Variants in NPEPPS observed in about 807,000 individuals in gnomAD.
NPEPPS encodes the protein puromycin-sensitive aminopeptidase.
A neutral mutation model predicts 115.5 loss-of-function variants in NPEPPS; 14 were observed. The ratio of observed to expected loss-of-function variants is 0.12; its 90% CI spans 0.08 to 0.19. NPEPPS has a LOEUF of 0.19. Ranked by LOEUF, NPEPPS falls within the 10% of genes least tolerant of loss-of-function variation. NPEPPS has a pLI of 1.00. For missense variants in NPEPPS, 523 were observed against 1,110.8 expected (o/e 0.47, Z 7.52); for synonymous variants, 285 against 390.6 (o/e 0.73, Z 3.19).
At chr17:47,616,865 GA>G (rs202070532) in intron 19 of NPEPPS, among the ~76,000 whole-genome samples, 7,153 of 140,476 alleles carry the variant, frequency 0.051, 220 homozygotes, top group Middle Eastern at 0.16. Flanking sequence ...ATTGTTTATT[GA>G]AAAAAAAAAA....
intron 19 of NPEPPS, among the ~76,000 whole-genome samples, chr17:47,617,887 C>A (rs1255502577): frequency 6.7e-6 from 1 of 148,964 alleles, no homozygotes; most frequent in African/African-American, 2.5e-5. Context: ...TTTTTTTTTT[C>A]TTTTATTTTT....
chr17:47,571,534 C>T (rs1335943192), intron 3 of NPEPPS, among the ~76,000 whole-genome samples: 3 of 152,112 alleles, frequency 2.0e-5, no homozygotes, highest in East Asian at 1.9e-4. Context: ...CTGACTAACA[C>T]GGTGAAACCC....
chr17:47,538,622 C>T (rs1383081327), intron 1 of NPEPPS, among the ~76,000 whole-genome samples: 17 of 151,262 alleles, frequency 1.1e-4, no homozygotes, highest in East Asian at 9.7e-4. Flanking sequence ...CTCCGCCTCC[C>T]GGGTTTAAGC....
chr17:47,541,407 G>T (rs1360291972), intron 1 of NPEPPS, among the ~76,000 whole-genome samples: 1 of 149,502 alleles, frequency 6.7e-6, no homozygotes, highest in Admixed American at 6.7e-5. Context: ...ATGGAGTCTT[G>T]CTTTTGTCGC....
Position 47,597,210 on chromosome 17 carries a change from A to G in NPEPPS, c.1536+748A>G, listed in dbSNP as rs1047945689. On this transcript the variant is annotated intron_variant, in intron 13 of 22. Coordinates refer to ENST00000322157, the MANE Select transcript of NPEPPS (RefSeq NM_006310.4). ...AAAGTAGGTTTTTAATGTTGGTTGG[A>G]TGGCAGTGTGATTTTAATTAGGATT... Among the ~76,000 whole-genome samples, 4 of 152,332 alleles carry G rather than the reference A, an allele frequency of 2.6e-5. No individual in the cohort carries two copies. In the East Asian group the frequency reaches 7.7e-4, roughly 29 times the overall value.
At chr17:47,585,111 G>A (rs887362826) in intron 5 of NPEPPS, among the ~76,000 whole-genome samples, 2 of 152,204 alleles carry the variant, frequency 1.3e-5, no homozygotes, top group African/African-American at 2.4e-5. Context: ...ACAGGCGTGA[G>A]CCACCGCGCC....
chr17:47,564,047 C>G (rs1384785784), intron 2 of NPEPPS, among the ~76,000 whole-genome samples: 1 of 151,998 alleles, frequency 6.6e-6, no homozygotes, highest in Non-Finnish European at 1.5e-5. Flanking sequence ...ATTCTCCTGC[C>G]TCAGCCTCCC....
intron 1 of NPEPPS, among the ~76,000 whole-genome samples, chr17:47,537,005 G>T (rs1344190644): frequency 6.6e-6 from 1 of 152,014 alleles, no homozygotes; most frequent in African/African-American, 2.4e-5. Flanking sequence ...GAGCCACCGT[G>T]CCTGGCCATT....
At chr17:47,535,632 T>C (rs954011781) in intron 1 of NPEPPS, among the ~76,000 whole-genome samples, 1 of 151,082 alleles carries the variant, frequency 6.6e-6, no homozygotes, top group Non-Finnish European at 1.5e-5. Flanking sequence ...TATACAGAAG[T>C]TTCTCTAGGC....
chr17:47,532,577 CG>C (rs932997870), intron 1 of NPEPPS, among the ~76,000 whole-genome samples: 10 of 143,292 alleles, frequency 7.0e-5, no homozygotes, highest in African/African-American at 2.6e-4. Flanking sequence ...CACTTGAACC[CG>C]GGGGGCAGAG....
rs995781040 is a variant in NPEPPS, at chr17:47,545,902, C to T, written c.256-7C>T. 1.9e-5 allele frequency: 29 copies of T among 1,539,030 alleles called. No individual in the cohort carries two copies. Among genetic ancestry groups the T allele is most frequent in the Non-Finnish European group, 2.2e-5 (25 of 1,137,966 alleles). Reference sequence around the variant, plus strand: ...TCTGACACTGTTGATTTTCCTTTTCCCCTTAGGTGAGGCAGGCGACTAATC... The same window carrying T: ...TCTGACACTGTTGATTTTCCTTTTCTCCTTAGGTGAGGCAGGCGACTAATC... On this transcript the variant is annotated splice_polypyrimidine_tract_variant and splice_region_variant and intron_variant, in intron 1 of 22. Transcript: ENST00000322157.
intron 15 of NPEPPS, among the ~76,000 whole-genome samples, chr17:47,603,067 T>C (rs1913317125): frequency 2.0e-5 from 3 of 152,206 alleles, no homozygotes; most frequent in Admixed American, 6.6e-5. Flanking sequence ...CATTTAACTA[T>C]TTTGAATATA....
intron 2 of NPEPPS, among the ~76,000 whole-genome samples, chr17:47,556,583 A>G (rs999896907): frequency 3.3e-5 from 5 of 152,138 alleles, no homozygotes; most frequent in African/African-American, 1.2e-4. Context: ...CCCGCTCTCA[A>G]TGAGCTGTTG....
intron 2 of NPEPPS, among the ~76,000 whole-genome samples, chr17:47,553,684 A>T (rs1909801440): frequency 2.0e-5 from 3 of 152,208 alleles, no homozygotes; most frequent in South Asian, 2.1e-4. Context: ...AATTAACAAA[A>T]GCTAATAAAA....
intron 10 of NPEPPS, among the ~76,000 whole-genome samples, chr17:47,591,411 T>G (rs1259231822): frequency 6.6e-6 from 1 of 152,132 alleles, no homozygotes; most frequent in Non-Finnish European, 1.5e-5. Flanking sequence ...AAGTCATACC[T>G]ATTGGGTAAC....
At chr17:47,574,746 G>A (rs981956594) in intron 3 of NPEPPS, among the ~76,000 whole-genome samples, 9 of 152,106 alleles carry the variant, frequency 5.9e-5, no homozygotes, top group African/African-American at 2.2e-4. Flanking sequence ...ACATGACACT[G>A]CATCTGGTTA....
At chr17:47,578,283 A>G (rs544471737) in intron 3 of NPEPPS, among the ~76,000 whole-genome samples, 11 of 152,118 alleles carry the variant, frequency 7.2e-5, no homozygotes, top group Admixed American at 2.0e-4. Context: ...CAAAATGACA[A>G]TTTGAAACAT....
At chr17:47,576,519 A>G (rs1253344150) in intron 3 of NPEPPS, among the ~76,000 whole-genome samples, 2 of 152,226 alleles carry the variant, frequency 1.3e-5, no homozygotes, top group Non-Finnish European at 1.5e-5. Context: ...TGGTGACACA[A>G]AGGCAACAAC....
At chr17:47,533,958 GAAGGGTAA>G (rs1390716879) in intron 1 of NPEPPS, among the ~76,000 whole-genome samples, 2 of 152,188 alleles carry the variant, frequency 1.3e-5, no homozygotes, top group Non-Finnish European at 2.9e-5. Flanking sequence ...GACATGTTTG[GAAGGGTAA>G]AAGAGGAATT....
Sources: gnomAD v4.1 joint callset for allele counts (sites outside exome capture counted in the v4.1 genomes callset) on GRCh38, gnomAD v4.1.1 for gene constraint, MANE v1.5 for transcripts, NCBI Gene and HGNC (gene_info 2026-07-23, HGNC 2026-07-21) for gene names.